The following GLRA2 variants were observed in gnomAD, a reference collection of about 807,000 sequenced individuals.
GLRA2 encodes the protein glycine receptor subunit alpha-2.
A neutral mutation model predicts 31.6 loss-of-function variants in GLRA2; 11 were observed. The observed-to-expected ratio is 0.35, with a 90% CI of 0.22 to 0.58. The LOEUF (loss-of-function observed/expected upper bound fraction) is 0.58, where lower values mean the gene tolerates loss of function less well. Among genes scored for constraint, GLRA2 ranks in the 20% least tolerant of loss-of-function variants. The pLI is 0.84. For synonymous variants in GLRA2, 132 were observed against 134.0 expected (o/e 0.99, Z 0.10); for missense variants, 212 against 351.8 (o/e 0.60, Z 3.18).
chrX:14,643,082 C>A (rs1311175386), intron 7 of GLRA2, among the ~76,000 whole-genome samples: 2 of 111,665 alleles, frequency 1.8e-5, no homozygotes, highest in Middle Eastern at 4.7e-3. Context: ...ATGTTGGCAG[C>A]CTTAAGGGAT....
intron 7 of GLRA2, among the ~76,000 whole-genome samples, chrX:14,641,500 A>G (rs2090773283): frequency 2.7e-5 from 3 of 111,105 alleles, no homozygotes; most frequent in Admixed American, 1.9e-4. Context: ...AGCCATATGA[A>G]GTTAGTTTTA....
the GLRA2 span, among the ~76,000 whole-genome samples, chrX:14,506,964 T>A: frequency 7.2e-5 from 8 of 111,765 alleles, no homozygotes; most frequent in African/African-American, 2.0e-4. Context: ...TATGTTTTGT[T>A]ACCTTAGGAA....
chrX:14,616,856 T>C (rs964251892), intron 7 of GLRA2, among the ~76,000 whole-genome samples: 4 of 112,183 alleles, frequency 3.6e-5, no homozygotes, highest in African/African-American at 1.3e-4. Context: ...AGCAAATTGA[T>C]CTGCAGGCCT....
At chrX:14,583,529 G>C (rs1186661609) in intron 4 of GLRA2, among the ~76,000 whole-genome samples, 1 of 112,030 alleles carries the variant, frequency 8.9e-6, no homozygotes, top group East Asian at 2.8e-4. Context: ...ACGAGGTCAG[G>C]AGTTCAAGAC....
intron 8 of GLRA2, among the ~76,000 whole-genome samples, chrX:14,722,387 C>T: frequency 9.0e-6 from 1 of 110,994 alleles, no homozygotes; most frequent in East Asian, 2.8e-4. Context: ...AGACAGTTGA[C>T]ATGGTGGCTC....
chrX:14,465,835 A>T, the GLRA2 span, among the ~76,000 whole-genome samples: 1 of 111,721 alleles, frequency 9.0e-6, no homozygotes, highest in Non-Finnish European at 1.9e-5. Flanking sequence ...TTAGGTTAAT[A>T]CTTTGGAGAC....
chrX:14,473,226 GAAA>G, the GLRA2 span, among the ~76,000 whole-genome samples: 1 of 111,174 alleles, frequency 9.0e-6, no homozygotes, highest in Non-Finnish European at 1.9e-5. Context: ...TCAAGAGAAA[GAAA>G]AAATTCATAT....
the GLRA2 span, among the ~76,000 whole-genome samples, chrX:14,451,041 T>C: frequency 9.0e-6 from 1 of 111,562 alleles, no homozygotes; most frequent in Non-Finnish European, 1.9e-5. Flanking sequence ...ACCAAAAATT[T>C]CATATCCTGC....
intron 2 of GLRA2, among the ~76,000 whole-genome samples, chrX:14,536,554 TC>T (rs1292469271): frequency 8.9e-6 from 1 of 112,144 alleles, no homozygotes; most frequent in Non-Finnish European, 1.9e-5. Flanking sequence ...AAAAGTAACT[TC>T]ATGGCCATGC....
intron 4 of GLRA2, among the ~76,000 whole-genome samples, chrX:14,585,977 G>C (rs955995026): frequency 1.8e-5 from 2 of 111,804 alleles, no homozygotes; most frequent in Non-Finnish European, 3.8e-5. Context: ...ATTTAATCTG[G>C]GAAAAATTCC....
At chrX:14,697,015 A>C (rs2091457342) in intron 8 of GLRA2, among the ~76,000 whole-genome samples, 1 of 111,549 alleles carries the variant, frequency 9.0e-6, no homozygotes, top group African/African-American at 3.3e-5. Context: ...AAAATAGGCA[A>C]GAAATATTTC....
intron 7 of GLRA2, among the ~76,000 whole-genome samples, chrX:14,619,618 A>C (rs1055387113): frequency 1.8e-5 from 2 of 110,578 alleles, no homozygotes; most frequent in African/African-American, 6.6e-5. Context: ...CTTCTCAGCA[A>C]AGCCTGGTCA....
At chrX:14,491,712 AT>A in the GLRA2 span, among the ~76,000 whole-genome samples, 1 of 111,287 alleles carries the variant, frequency 9.0e-6, no homozygotes, top group Non-Finnish European at 1.9e-5. Context: ...TACTGTTCTA[AT>A]GGCCTGGCTG....
At chrX:14,621,479 C>T (rs2090517340) in intron 7 of GLRA2, among the ~76,000 whole-genome samples, 1 of 111,221 alleles carries the variant, frequency 9.0e-6, no homozygotes, top group Non-Finnish European at 1.9e-5. Flanking sequence ...TCGTCATTTA[C>T]ATTAGGTATT....
At chrX:14,511,343 A>C in the GLRA2 span, among the ~76,000 whole-genome samples, 1 of 111,752 alleles carries the variant, frequency 8.9e-6, no homozygotes, top group African/African-American at 3.3e-5. Flanking sequence ...CCACAGACTT[A>C]GTCTTATATG....
chrX:14,458,423 T>G, the GLRA2 span, among the ~76,000 whole-genome samples: 2 of 111,874 alleles, frequency 1.8e-5, no homozygotes, highest in East Asian at 2.8e-4. Flanking sequence ...TATTTCTAGT[T>G]CTAGATCCCT....
intron 7 of GLRA2, among the ~76,000 whole-genome samples, chrX:14,636,415 A>C (rs1183166795): frequency 9.0e-6 from 1 of 111,272 alleles, no homozygotes; most frequent in Non-Finnish European, 1.9e-5. Context: ...TGAGAAGGGC[A>C]CTTTATCTCT....
intron 7 of GLRA2, among the ~76,000 whole-genome samples, chrX:14,686,674 C>T (rs759856819): frequency 9.0e-5 from 10 of 111,365 alleles, no homozygotes; most frequent in Non-Finnish European, 1.5e-4. Flanking sequence ...CTTCGTAGAT[C>T]TTCCTCCATC....
At chrX:14,457,810 C>T in the GLRA2 span, among the ~76,000 whole-genome samples, 1 of 111,293 alleles carries the variant, frequency 9.0e-6, no homozygotes, top group Non-Finnish European at 1.9e-5. Flanking sequence ...ATTTACACTC[C>T]CACCAACAGT....
Sources: allele counts gnomAD v4.1 joint callset (sites outside exome capture counted in the v4.1 genomes callset), GRCh38; gene constraint gnomAD v4.1.1; transcripts MANE v1.5; gene names NCBI Gene and HGNC (gene_info 2026-07-23, HGNC 2026-07-21).